The following SYT12 variants were observed in gnomAD, a reference collection of about 807,000 sequenced individuals.
The protein encoded by SYT12 is synaptotagmin-12.
SYT12 carries 27 observed loss-of-function variants against 39.5 expected under a neutral mutation model. The observed-to-expected ratio is 0.68, with a 90% confidence interval of 0.50 to 0.94. The LOEUF is 0.94. Ranked by LOEUF, SYT12 falls within the 40% of genes least tolerant of loss-of-function variation. The pLI is 0.00. For synonymous variants in SYT12, 233 were observed against 239.7 expected (o/e 0.97, Z 0.26); for missense variants, 536 against 572.6 (o/e 0.94, Z 0.65).
intron 3 of SYT12, among the ~76,000 whole-genome samples, chr11:67,017,504 TG>T (rs1565327315): frequency 6.6e-6 from 1 of 151,830 alleles, no homozygotes. Flanking sequence ...GGATTACAGA[TG>T]CCTGCCACCA....
chr11:67,032,178 C>A (rs1428388891), intron 2 of SYT12: 2 of 152,186 alleles, frequency 1.3e-5, no homozygotes, highest in African/African-American at 2.4e-5. Context: ...CATTTTTTTC[C>A]TCTCTTAACA....
In SYT12 at chr11:67,043,817, C is replaced by T. The variant is rs1197108928; in HGVS notation, c.801C>T (p.Pro267=). 4 of 1,614,006 alleles carry T rather than the reference C, an allele frequency of 2.5e-6. No individual in the cohort carries two copies. Among genetic ancestry groups the T allele is most frequent in the Non-Finnish European group, 3.4e-6 (4 of 1,180,042 alleles). ...CTGTGCTTGACCTCCCGCTGCAGCC[C>T]TTCAGTGGCTGGCTCTATTTACAGG... ...KLSVLDLPLQ[P]FSGWLYLQDQ... Residue 267 remains proline, a synonymous_variant, in exon 5 of 8, where the codon CCC becomes CCT. Transcript: ENST00000527043.
intron 3 of SYT12, chr11:67,011,056 T>G (rs1950009933): frequency 6.6e-6 from 1 of 152,180 alleles, no homozygotes. Flanking sequence ...AACGTATTTG[T>G]GCACGGTCAA....
At chr11:67,035,856 T>TCTCTCTCTCTCTCTCTCTC (rs1950366452) in intron 3 of SYT12, among the ~76,000 whole-genome samples, 1 of 134,182 alleles carries the variant, frequency 7.5e-6, no homozygotes, top group African/African-American at 3.2e-5. Context: ...CTTTCTTTCT[T>TCTCTCTCTCTCTCTCTCTC]TCTTTCTTTC....
intron 3 of SYT12, among the ~76,000 whole-genome samples, chr11:67,035,815 TTCCTTCCTTCCTTCCTTCCTTC>T (rs1950360659): frequency 1.3e-5 from 1 of 78,420 alleles, no homozygotes; most frequent in Admixed American, 1.4e-4. Context: ...CCTTCCTTCC[TTCCTTCCTTCCTTCCTTCCTTC>T]CTTTCTTTCT....
At chr11:67,019,232 G>A (rs1300182171), upstream of SYT12, among the ~76,000 whole-genome samples, 1 of 152,158 alleles carries the variant, frequency 6.6e-6, no homozygotes, top group Non-Finnish European at 1.5e-5. Context: ...CAGCACTTTG[G>A]GAGGCTGAGG....
chr11:67,021,997 T>A (rs1197564244), upstream of SYT12: 1 of 150,146 alleles, frequency 6.7e-6, no homozygotes. Flanking sequence ...CACTGCAAGC[T>A]CCGCCTCCTG....
intron 3 of SYT12, among the ~76,000 whole-genome samples, chr11:67,038,849 T>C (rs969258563): frequency 6.7e-6 from 1 of 149,624 alleles, no homozygotes; most frequent in African/African-American, 2.5e-5. Context: ...TAGCTGGGTG[T>C]GGTGGCAGGC....
At chr11:67,035,785 T>C in intron 3 of SYT12, among the ~76,000 whole-genome samples, 1 of 117,694 alleles carries the variant, frequency 8.5e-6, no homozygotes, top group South Asian at 2.8e-4. Flanking sequence ...TTTTCTTTTC[T>C]TTTCTTTCCT....
intron 4 of SYT12, among the ~76,000 whole-genome samples, chr11:67,042,026 G>C (rs1323804319): frequency 6.6e-6 from 1 of 152,160 alleles, no homozygotes; most frequent in Non-Finnish European, 1.5e-5. Context: ...CGAGGAGGGC[G>C]TGTTTAGGGC....
At chr11:67,009,007 T>C (rs1343910192) in intron 1 of SYT12, among the ~76,000 whole-genome samples, 1 of 152,062 alleles carries the variant, frequency 6.6e-6, no homozygotes, top group African/African-American at 2.4e-5. Context: ...ATGTGGGTTC[T>C]TGGGGCTTTT....
intron 3 of SYT12, among the ~76,000 whole-genome samples, chr11:67,013,101 T>G (rs558869952): frequency 1.1e-3 from 172 of 152,278 alleles, no homozygotes; most frequent in Non-Finnish European, 1.9e-3. Flanking sequence ...GCCGGATCAA[T>G]TCAGTGTAAT....
intron 7 of SYT12, among the ~76,000 whole-genome samples, chr11:67,048,155 C>CA (rs1851133123): frequency 6.6e-6 from 1 of 151,078 alleles, no homozygotes; most frequent in African/African-American, 2.4e-5. Context: ...CCTGTAATCC[C>CA]AGCTACTTGG....
At chr11:67,048,499 C>T in intron 7 of SYT12, 85 bp from the exon 8 acceptor site, 3 of 1,477,996 alleles carry the variant, frequency 2.0e-6, no homozygotes, top group Non-Finnish European at 2.8e-6. Context: ...CCACTGGGGC[C>T]TGACATTTGT....
At chr11:67,016,850 C>T (rs186793199) in intron 3 of SYT12, among the ~76,000 whole-genome samples, 30 of 152,230 alleles carry the variant, frequency 2.0e-4, no homozygotes, top group African/African-American at 6.3e-4. Flanking sequence ...CAGGAAAGTT[C>T]TCTGTGGCCA....
chr11:67,047,777 CTTTT>C (rs1173796349), intron 7 of SYT12, among the ~76,000 whole-genome samples: 1 of 76,032 alleles, frequency 1.3e-5, no homozygotes, highest in African/African-American at 6.3e-5. Context: ...ACCCCCATCT[CTTTT>C]TTTTTTTTTT....
At chr11:67,033,434 T>G (rs1388773082) in intron 2 of SYT12, among the ~76,000 whole-genome samples, 3 of 152,182 alleles carry the variant, frequency 2.0e-5, no homozygotes, top group Non-Finnish European at 4.4e-5. Context: ...GCCCATAGGC[T>G]GCTGGCACAC....
chr11:67,008,431 C>A (rs1949988116), intron 1 of SYT12, among the ~76,000 whole-genome samples: 2 of 152,110 alleles, frequency 1.3e-5, no homozygotes, highest in African/African-American at 4.8e-5. Context: ...GCTCTGTTGC[C>A]CAGGCTAAGT....
chr11:67,013,683 T>C (rs558313113), intron 3 of SYT12, among the ~76,000 whole-genome samples: 15 of 152,346 alleles, frequency 9.8e-5, no homozygotes, highest in African/African-American at 3.4e-4. Context: ...CCCTGTCAAG[T>C]GTGGCCCCCG....
Sources: allele counts gnomAD v4.1 joint callset (sites outside exome capture counted in the v4.1 genomes callset), GRCh38; gene constraint gnomAD v4.1.1; transcripts MANE v1.5; gene names NCBI Gene and HGNC (gene_info 2026-07-23, HGNC 2026-07-21).